The following AGBL1 variants were observed in gnomAD, a reference collection of about 807,000 sequenced individuals.
AGBL1 encodes the protein cytosolic carboxypeptidase 4.
Under a neutral mutation model 118.9 loss-of-function variants are expected in AGBL1, and 130 were observed. The observed-to-expected ratio is 1.09, with a 90% confidence interval of 0.95 to 1.26. The LOEUF (loss-of-function observed/expected upper bound fraction) is 1.26. AGBL1 is among the 50% of genes most tolerant of loss of function. The probability of loss-of-function intolerance (pLI) is 0.00; values close to 1 mark genes in which losing one functional copy is unlikely to be tolerated. For missense variants in AGBL1, 1,584 were observed against 1,298.1 expected (o/e 1.22, Z -3.38); for synonymous variants, 555 against 478.9 (o/e 1.16, Z -2.08).
intron 21 of AGBL1, among the ~76,000 whole-genome samples, chr15:86,609,873 T>C (rs912852880): frequency 6.6e-6 from 1 of 152,190 alleles, no homozygotes; most frequent in African/African-American, 2.4e-5. Flanking sequence ...AACCATATGC[T>C]GGGGTTTTGT....
rs1339179935 is a variant in AGBL1, at chr15:86,143,776, A to G, written c.193A>G (p.Arg65Gly). Residue 65 changes from arginine to glycine, a missense_variant, in exon 3 of 23, where the codon AGG becomes GGG. By Grantham distance (125) the Arg-to-Gly change is moderately radical. Coordinates refer to ENST00000614907, the MANE Select transcript of AGBL1 (RefSeq NM_001386094.1). Reference protein sequence around the residue: ...ALLQTLVDTARTAPPDYDILL... With the variant: ...ALLQTLVDTAGTAPPDYDILL... Reference sequence around the variant, plus strand: ...TCTGCAGACCCTGGTAGACACAGCGAGGACAGCTCCTCCAGACTATGACAT... The same window carrying G: ...TCTGCAGACCCTGGTAGACACAGCGGGGACAGCTCCTCCAGACTATGACAT... 1 of 1,613,966 alleles carries G rather than the reference A, an allele frequency of 6.2e-7. No individual in the cohort carries two copies. The highest frequency in any genetic ancestry group is 1.1e-5 in the South Asian group (1 of 91,088).
rs73459645 is a variant in AGBL1 at position 86,552,355 on chromosome 15, A to G, written c.2818-2006A>G. 7.5e-3 allele frequency among the ~76,000 whole-genome samples: 1,149 copies of G among 152,266 alleles called. 10 individuals carry two copies. The highest frequency in any genetic ancestry group is 0.025 in the African/African-American group (1,043 of 41,542). ...AAGAGAGAGATAGAACCTATGGAAG[A>G]AAAAAATGGTTTCACTTAAGTAAAA... is the stretch of plus-strand genomic sequence containing the variant. On this transcript the variant is annotated intron_variant, in intron 20 of 22. Coordinates refer to ENST00000614907, the MANE Select transcript of AGBL1 (RefSeq NM_001386094.1).
chr15:86,165,677 A>G (rs1388336088), intron 5 of AGBL1, among the ~76,000 whole-genome samples: 3 of 152,032 alleles, frequency 2.0e-5, no homozygotes, highest in African/African-American at 7.2e-5. Context: ...ATTCAACATT[A>G]GAGTCTGTGG....
chr15:86,467,084 C>T (rs2082417069), intron 18 of AGBL1, among the ~76,000 whole-genome samples: 1 of 152,242 alleles, frequency 6.6e-6, no homozygotes, highest in South Asian at 2.1e-4. Context: ...CCACCCTTTC[C>T]CTCAGGGGGT....
chr15:86,112,460 T>C (rs1897451392), intron 1 of AGBL1, among the ~76,000 whole-genome samples: 1 of 152,250 alleles, frequency 6.6e-6, no homozygotes, highest in Admixed American at 6.5e-5. Flanking sequence ...TTATTATCAA[T>C]GATTGAACAT....
intron 22 of AGBL1, among the ~76,000 whole-genome samples, chr15:86,755,644 T>C (rs1353784735): frequency 6.6e-6 from 1 of 152,148 alleles, no homozygotes; most frequent in Non-Finnish European, 1.5e-5. Flanking sequence ...TATCTTACTT[T>C]TGTGAATGTG....
At chr15:86,674,506 A>C in intron 22 of AGBL1, 70 bp downstream of exon 22, 1 of 1,485,080 alleles carries the variant, frequency 6.7e-7, no homozygotes, top group Non-Finnish European at 9.2e-7. Context: ...CTCAGTAATG[A>C]AAGTCGAGTG....
intron 5 of AGBL1, among the ~76,000 whole-genome samples, chr15:86,178,902 T>A (rs2141782024): frequency 6.6e-6 from 1 of 152,294 alleles, no homozygotes; most frequent in East Asian, 1.9e-4. Context: ...TTTGCAAACA[T>A]CCCTGACTGA....
At chr15:86,120,259 A>C (rs1390543202) in intron 1 of AGBL1, among the ~76,000 whole-genome samples, 1 of 152,118 alleles carries the variant, frequency 6.6e-6, no homozygotes, top group Non-Finnish European at 1.5e-5. Flanking sequence ...ATTGGCTTTA[A>C]GGCAAAGTTC....
Position 86,706,764 on chromosome 15 carries a change from A to G in AGBL1, c.3158+32328A>G, listed in dbSNP as rs139900767. ...TCTTCTGTCTTTGAGGATTTTGCAAAATAAGCATATTCAATGGAATATACA... is the reference window on the plus strand; with the variant it reads ...TCTTCTGTCTTTGAGGATTTTGCAAGATAAGCATATTCAATGGAATATACA... On this transcript the variant is annotated intron_variant, in intron 22 of 22. Coordinates refer to ENST00000614907, the MANE Select transcript of AGBL1 (RefSeq NM_001386094.1). Among the ~76,000 whole-genome samples, 265 of 152,296 alleles carry G rather than the reference A, an allele frequency of 1.7e-3. 3 individuals are homozygous for G. The East Asian group carries it at 0.022, about 13-fold the overall frequency.
At chr15:86,814,185 C>T (rs368594346) in intron 22 of AGBL1, among the ~76,000 whole-genome samples, 3 of 152,288 alleles carry the variant, frequency 2.0e-5, no homozygotes, top group East Asian at 1.9e-4. Context: ...GTCAAATCAG[C>T]GGCAGCACTG....
chr15:86,774,211 C>T (rs1354331802), intron 22 of AGBL1, among the ~76,000 whole-genome samples: 2 of 152,006 alleles, frequency 1.3e-5, no homozygotes, highest in African/African-American at 4.8e-5. Context: ...TTTTCCCTCA[C>T]TGAAATCAGG....
chr15:86,186,774 C>T (rs962453573), intron 5 of AGBL1, among the ~76,000 whole-genome samples: 2 of 152,152 alleles, frequency 1.3e-5, no homozygotes, highest in Non-Finnish European at 2.9e-5. Flanking sequence ...TATGTACATT[C>T]TCTTATTTAA....
At chr15:86,899,919 A>G (rs55968844) in intron 22 of AGBL1, among the ~76,000 whole-genome samples, 1 of 152,132 alleles carries the variant, frequency 6.6e-6, no homozygotes, top group African/African-American at 2.4e-5. Flanking sequence ...CCCACCCTCA[A>G]TCTGGGTGGG....
rs376636273 is a variant in AGBL1 at position 86,653,044 on chromosome 15, G to A, written c.2995-21229G>A. On this transcript the variant is annotated intron_variant, in intron 21 of 22. Coordinates refer to ENST00000614907, the MANE Select transcript of AGBL1 (RefSeq NM_001386094.1). The stretch of plus-strand genomic sequence containing the variant: ...CCTTGTTATAGACCCTAACAAATGC[G>A]TTTTATCCATGAGAATGTATATTCA... Among the ~76,000 whole-genome samples, 4 of 152,242 alleles carry A rather than the reference G, an allele frequency of 2.6e-5. No homozygotes were observed. The East Asian group carries it at 5.8e-4, about 22-fold the overall frequency.
chr15:86,663,047 T>C (rs1444390130), intron 21 of AGBL1, among the ~76,000 whole-genome samples: 2 of 152,214 alleles, frequency 1.3e-5, no homozygotes, highest in African/African-American at 4.8e-5. Context: ...GGATTGATAT[T>C]CCACTGATTT....
intron 5 of AGBL1, among the ~76,000 whole-genome samples, chr15:86,209,507 G>C (rs184691340): frequency 2.6e-5 from 4 of 152,132 alleles, no homozygotes; most frequent in African/African-American, 9.7e-5. Context: ...CTCCTCTATT[G>C]GGTGCATATA....
In AGBL1 at chr15:86,521,809, A is replaced by T. The variant is rs533089206; in HGVS notation, c.2556-1001A>T. Reference sequence around the variant, plus strand: ...ATAAGTCAAGTGGGAACTGTTAGCAATTCCACTGAGCTTGGGTGTGGAAGG... The same window carrying T: ...ATAAGTCAAGTGGGAACTGTTAGCATTTCCACTGAGCTTGGGTGTGGAAGG... On this transcript the variant is annotated intron_variant, in intron 18 of 22. Coordinates refer to ENST00000614907, the MANE Select transcript of AGBL1 (RefSeq NM_001386094.1). 9.9e-5 allele frequency among the ~76,000 whole-genome samples: 15 copies of T among 152,282 alleles called. No homozygotes were observed. In the South Asian group the frequency reaches 2.7e-3, roughly 27 times the overall value.
chr15:86,180,396 A>T (rs562228311), intron 5 of AGBL1, among the ~76,000 whole-genome samples: 6 of 152,248 alleles, frequency 3.9e-5, no homozygotes, highest in Non-Finnish European at 7.4e-5. Context: ...ATGAACAATT[A>T]ATTTTTGGCA....
Sources: allele counts gnomAD v4.1 joint callset (sites outside exome capture counted in the v4.1 genomes callset), GRCh38; gene constraint gnomAD v4.1.1; transcripts MANE v1.5; gene names NCBI Gene and HGNC (gene_info 2026-07-23, HGNC 2026-07-21).